Variants in DNMBP observed in about 807,000 individuals in gnomAD.
DNMBP encodes dynamin binding protein, also known as dynamin-binding protein.
Under a neutral mutation model 150.0 loss-of-function variants are expected in DNMBP, and 87 were observed. The observed-to-expected ratio is 0.58, with a 90% CI of 0.49 to 0.69. The LOEUF (loss-of-function observed/expected upper bound fraction) is 0.69. Ranked by LOEUF, DNMBP falls within the 30% of genes least tolerant of loss-of-function variation. The pLI is 0.00. For synonymous variants in DNMBP, 711 were observed against 750.4 expected (o/e 0.95, Z 0.86); for missense variants, 1,774 against 1,949.0 (o/e 0.91, Z 1.69).
At chr10:99,943,377 GTTTT>G (rs869075654) in intron 4 of DNMBP, among the ~76,000 whole-genome samples, 1 of 129,100 alleles carries the variant, frequency 7.7e-6, no homozygotes, top group South Asian at 2.3e-4. Context: ...CTTGTGTGTG[GTTTT>G]TTGTTTGTTT....
rs762413281 is a variant in DNMBP at position 99,898,764 on chromosome 10, C to T, written c.2703-4G>A. On this transcript the variant is annotated splice_region_variant and splice_polypyrimidine_tract_variant and intron_variant, in intron 7 of 16. Transcript: ENST00000324109. The stretch of plus-strand genomic sequence containing the variant: ...TTACCATTCGTTGTATAGGCTCCTG[C>T]AAGGCAGTGGGCATGAAAAGAAAAG... 2 of 1,613,282 alleles carry T rather than the reference C, an allele frequency of 1.2e-6. No homozygotes were observed. Among genetic ancestry groups the T allele is most frequent in the Non-Finnish European group, 1.7e-6 (2 of 1,179,404 alleles).
At chr10:99,964,849 C>T (rs1272694187) in intron 3 of DNMBP, among the ~76,000 whole-genome samples, 2 of 146,112 alleles carry the variant, frequency 1.4e-5, no homozygotes, top group Non-Finnish European at 3.0e-5. Context: ...CCCGCCTGGG[C>T]GACAGTGTGA....
chr10:99,939,975 G>A (rs2133302746), intron 4 of DNMBP, among the ~76,000 whole-genome samples: 1 of 152,234 alleles, frequency 6.6e-6, no homozygotes, highest in South Asian at 2.1e-4. Flanking sequence ...TAGCCCCCTG[G>A]CCACTAAACT....
chr10:99,990,217 G>C (rs17112444), intron 1 of DNMBP, among the ~76,000 whole-genome samples: 1 of 151,998 alleles, frequency 6.6e-6, no homozygotes, highest in Non-Finnish European at 1.5e-5. Context: ...GGCAATTAGC[G>C]GCACCTGAAG....
At chr10:99,898,838 C>T in intron 7 of DNMBP, 78 bp from the exon 8 acceptor site, 1 of 1,355,580 alleles carries the variant, frequency 7.4e-7, no homozygotes, top group Middle Eastern at 1.8e-4. Context: ...TTTCTCAGAA[C>T]ATAAATCATG....
At chr10:99,934,816 AGGCCGGGCACAGT>A (rs1234731327) in intron 4 of DNMBP, among the ~76,000 whole-genome samples, 2 of 127,722 alleles carry the variant, frequency 1.6e-5, no homozygotes, top group Non-Finnish European at 3.4e-5. Context: ...TAGAAGGAAG[AGGCCGGGCACAGT>A]GGCTCATACC....
chr10:99,967,664 T>A (rs886378570), intron 3 of DNMBP, among the ~76,000 whole-genome samples: 13 of 138,330 alleles, frequency 9.4e-5, no homozygotes, highest in African/African-American at 3.3e-4. Context: ...GATAGGTTTT[T>A]CTGGGTGTGT....
chr10:99,991,761 C>A (rs1369417158), intron 1 of DNMBP, among the ~76,000 whole-genome samples: 1 of 151,632 alleles, frequency 6.6e-6, no homozygotes, highest in South Asian at 2.1e-4. Flanking sequence ...AAAAAGTTAG[C>A]CAGGCGTGGT....
intron 4 of DNMBP, among the ~76,000 whole-genome samples, chr10:99,947,349 G>A (rs978188544): frequency 1.3e-5 from 2 of 152,156 alleles, no homozygotes; most frequent in African/African-American, 4.8e-5. Flanking sequence ...AGAAATCCTG[G>A]TATATATACA....
At chr10:99,933,423 C>T (rs1240787070) in intron 4 of DNMBP, among the ~76,000 whole-genome samples, 5 of 152,236 alleles carry the variant, frequency 3.3e-5, no homozygotes, top group Middle Eastern at 3.4e-3. Context: ...TAGAAATAAC[C>T]AATAAAATAG....
chr10:99,890,717 G>T (rs920213149), intron 11 of DNMBP, among the ~76,000 whole-genome samples: 1 of 152,178 alleles, frequency 6.6e-6, no homozygotes, highest in Admixed American at 6.5e-5. Flanking sequence ...CATGATCTCA[G>T]CTCACTGCAA....
At chr10:99,880,435 A>G in intron 15 of DNMBP, 74 bp from the exon 16 acceptor site, 1 of 1,438,986 alleles carries the variant, frequency 6.9e-7, no homozygotes, top group Non-Finnish European at 9.1e-7. Flanking sequence ...CATTGAGAGA[A>G]AAAAAACTGA....
rs368806893 is a variant in DNMBP, at chr10:99,896,403, G to A, written c.2921-6C>T. The A allele has an allele frequency of 1.5e-5, 24 of 1,613,956 alleles. No individual in the cohort carries two copies. The African/African-American group carries it at 2.7e-4, about 18-fold the overall frequency. The stretch of plus-strand genomic sequence containing the variant: ...ACCCTTACGGTACTTGAGGACTAGG[G>A]AGTAAGTCAGAAAAGCACTTTCCTC... On this transcript the variant is annotated splice_polypyrimidine_tract_variant and splice_region_variant and intron_variant, in intron 9 of 16. Transcript: ENST00000324109.
intron 11 of DNMBP, among the ~76,000 whole-genome samples, chr10:99,890,968 A>G (rs2039547405): frequency 6.6e-6 from 1 of 152,140 alleles, no homozygotes; most frequent in African/African-American, 2.4e-5. Flanking sequence ...TTTAAAACAC[A>G]AGGGTGGAAG....
chr10:99,901,473 A>G (rs1056573482), intron 6 of DNMBP, among the ~76,000 whole-genome samples: 4 of 152,176 alleles, frequency 2.6e-5, no homozygotes, highest in Admixed American at 1.3e-4. Flanking sequence ...AATAAATGCT[A>G]TATTTCAGTT....
At chr10:99,965,164 T>C (rs1439297081) in intron 3 of DNMBP, among the ~76,000 whole-genome samples, 2 of 152,124 alleles carry the variant, frequency 1.3e-5, no homozygotes, top group South Asian at 2.1e-4. Flanking sequence ...ATGCTTTCCA[T>C]GTACAACCTC....
rs556027701 is a variant in DNMBP at position 99,896,380 on chromosome 10, C to G, written c.2938G>C (p.Gly980Arg). 2.5e-5 allele frequency: 41 copies of G among 1,614,092 alleles called. No homozygotes were observed. The highest frequency in any genetic ancestry group is 3.5e-5 in the Non-Finnish European group (41 of 1,180,012). The change falls in exon 10 of 17, where the codon GGT becomes CGT. Residue 980 changes from glycine to arginine, a missense_variant. Around this residue, in one of 2 missense-constraint regions of DNMBP, gnomAD observed 1,430 missense variants for 1,492.5 expected, o/e 0.96. Transcript: ENST00000324109. The part of the protein sequence containing the change: ...RKDLVLKYRK[G>R]DEDSLMEKIS... ...TTCTCCATAAGGCTATCTTCATCAC[C>G]CTTACGGTACTTGAGGACTAGGGAG...
At chr10:99,950,866 G>A (rs756734950) in intron 4 of DNMBP, among the ~76,000 whole-genome samples, 1 of 152,210 alleles carries the variant, frequency 6.6e-6, no homozygotes, top group Non-Finnish European at 1.5e-5. Context: ...ATTTCCTGAA[G>A]AGAAAAACCA....
At chr10:99,907,958 T>A (rs757806666) in intron 6 of DNMBP, 37 bp downstream of exon 6, 28 of 1,566,352 alleles carry the variant, frequency 1.8e-5, no homozygotes, top group Non-Finnish European at 2.2e-5. Context: ...GAAGTTTTTT[T>A]AAAAAGCTGC....
Sources: allele counts gnomAD v4.1 joint callset (sites outside exome capture counted in the v4.1 genomes callset), GRCh38; gene constraint gnomAD v4.1.1; regional missense constraint gnomAD v4.1.1; transcripts MANE v1.5; gene names NCBI Gene and HGNC (gene_info 2026-07-23, HGNC 2026-07-21).